Variants in PHTF2 observed in about 807,000 individuals in gnomAD.
PHTF2 encodes the protein putative homeodomain transcription factor 2.
Under a neutral mutation model 101.2 loss-of-function variants are expected in PHTF2, and 60 were observed. That is an observed-to-expected ratio of 0.59 (90% confidence interval 0.48 to 0.73). PHTF2 has a LOEUF of 0.73. Ranked by LOEUF, PHTF2 falls within the 30% of genes least tolerant of loss-of-function variation. The probability of loss-of-function intolerance (pLI) is 0.00; values close to 1 mark genes in which losing one functional copy is unlikely to be tolerated. For synonymous variants in PHTF2, 311 were observed against 307.3 expected (o/e 1.01, Z -0.13); for missense variants, 747 against 908.7 (o/e 0.82, Z 2.29).
chr7:77,922,840 C>G, intron 11 of PHTF2, 62 bp downstream of exon 10: 1 of 1,284,376 alleles, frequency 7.8e-7, no homozygotes, highest in Non-Finnish European at 1.1e-6. Flanking sequence ...TAATTTATAA[C>G]TTCTTTCAAC....
chr7:77,807,359 A>G (rs549211858), intron 1 of PHTF2, among the ~76,000 whole-genome samples: 1 of 150,628 alleles, frequency 6.6e-6, no homozygotes, highest in Non-Finnish European at 1.5e-5. Flanking sequence ...ATCTTCATCA[A>G]TATTTATTTT....
chr7:77,861,739 A>G (rs1797661244), intron 3 of PHTF2, among the ~76,000 whole-genome samples: 1 of 152,178 alleles, frequency 6.6e-6, no homozygotes, highest in Non-Finnish European at 1.5e-5. Context: ...CCTGGCCAAC[A>G]TGGTGAAACC....
intron 1 of PHTF2, among the ~76,000 whole-genome samples, chr7:77,839,096 G>T (rs1795682641): frequency 6.6e-6 from 1 of 152,170 alleles, no homozygotes; most frequent in Non-Finnish European, 1.5e-5. Flanking sequence ...GCAAACTAGT[G>T]GTAGCGTTTC....
rs746565974 is a variant in PHTF2 at position 77,852,580 on chromosome 7, G to A, written c.46-2153G>A. Among the ~76,000 whole-genome samples, 7 of 152,076 alleles carry A rather than the reference G, an allele frequency of 4.6e-5. No individual in the cohort carries two copies. The South Asian group carries it at 8.3e-4, about 18-fold the overall frequency. On this transcript the variant is annotated intron_variant, in intron 2 of 19. Coordinates refer to ENST00000416283, the Ensembl canonical transcript of PHTF2. ...TTGTTGTAGTTGTTAGTTTTAATAC[G>A]TTCATCTTTTAGTCTTTCTACTCAA... is the stretch of plus-strand genomic sequence containing the variant.
At chr7:77,936,902 T>C (rs1805189062) in intron 12 of PHTF2, among the ~76,000 whole-genome samples, 1 of 151,884 alleles carries the variant, frequency 6.6e-6, no homozygotes. Context: ...CCCAGCACTT[T>C]GGGAGGTAGA....
intron 3 of PHTF2, among the ~76,000 whole-genome samples, chr7:77,889,528 A>T (rs1800172509): frequency 6.6e-6 from 1 of 151,766 alleles, no homozygotes; most frequent in Non-Finnish European, 1.5e-5. Context: ...TCTCCAAAAA[A>T]GTAGTCTGTT....
intron 1 of PHTF2, among the ~76,000 whole-genome samples, chr7:77,815,338 T>C (rs533094030): frequency 5.3e-4 from 80 of 152,274 alleles, no homozygotes; most frequent in African/African-American, 1.0e-3. Context: ...ATACGAAATC[T>C]ATGAAAGTGG....
chr7:77,867,862 A>G (rs1798192976), intron 3 of PHTF2, among the ~76,000 whole-genome samples: 1 of 152,180 alleles, frequency 6.6e-6, no homozygotes, highest in African/African-American at 2.4e-5. Flanking sequence ...GTTCTCCTTT[A>G]CATACGATCT....
chr7:77,910,357 A>G (rs1324813880), exon 9 of PHTF2: 3 of 1,613,756 alleles, frequency 1.9e-6, no homozygotes, highest in Non-Finnish European at 2.5e-6. Context: ...CACCTCTCAC[A>G]GCGTTGGCAC....
At chr7:77,898,102 A>G (rs564388024) in intron 5 of PHTF2, among the ~76,000 whole-genome samples, 19 of 152,134 alleles carry the variant, frequency 1.2e-4, no homozygotes, top group African/African-American at 4.3e-4. Context: ...CAAAATAAAT[A>G]TATTTTAATA....
chr7:77,866,783 T>C (rs1798103080), intron 3 of PHTF2, among the ~76,000 whole-genome samples: 1 of 152,220 alleles, frequency 6.6e-6, no homozygotes, highest in Non-Finnish European at 1.5e-5. Flanking sequence ...ACATAGCTTT[T>C]CTTGTTATAG....
rs74532925 is a variant in PHTF2 at position 77,880,667 on chromosome 7, C to A, written c.148-12941C>A. 0.012 allele frequency among the ~76,000 whole-genome samples: 1,778 copies of A among 152,280 alleles called. 84 individuals carry two copies. The East Asian group carries it at 0.13, about 11-fold the overall frequency. ...TTGATACCCCATGCCTGGCTACACA[C>A]GTGCATCAGGCTCTCTCCACTGTAG... On this transcript the variant is annotated intron_variant, in intron 3 of 19. Coordinates refer to ENST00000416283, the Ensembl canonical transcript of PHTF2.
At chr7:77,842,412 C>T (rs1795964219) in intron 2 of PHTF2, among the ~76,000 whole-genome samples, 2 of 152,108 alleles carry the variant, frequency 1.3e-5, no homozygotes, top group African/African-American at 4.8e-5. Flanking sequence ...CCATGTTGCC[C>T]AGGCTTATCA....
chr7:77,893,797 T>A lies in PHTF2; in HGVS notation c.204+133T>A. On this transcript the variant is annotated intron_variant, in intron 4 of 19. Coordinates refer to ENST00000416283, the Ensembl canonical transcript of PHTF2. The stretch of plus-strand genomic sequence containing the variant: ...CTATTGAAGCTTTTAAAGAAAGAAG[T>A]AAACTTTATTTACCATAGTCACGTT... 5 of 620,052 alleles carry A rather than the reference T, an allele frequency of 8.1e-6. No homozygotes were observed. The East Asian group carries it at 8.3e-5, about 10-fold the overall frequency. 38.4% of individuals were successfully genotyped at this position (620,052 alleles called of 1,614,324 possible). A position where few individuals can be genotyped will look rare whatever the true frequency, so the allele number is the denominator to read the frequency against.
chr7:77,923,637 T>C (rs941100125), intron 11 of PHTF2: 1 of 983,958 alleles, frequency 1.0e-6, no homozygotes, highest in Non-Finnish European at 1.2e-6. Context: ...GTGTGTCTGC[T>C]CTATTGCCTC....
intron 11 of PHTF2, among the ~76,000 whole-genome samples, chr7:77,925,684 T>C (rs570764996): frequency 6.6e-6 from 1 of 151,978 alleles, no homozygotes; most frequent in South Asian, 2.1e-4. Flanking sequence ...AGGCTGGTCT[T>C]GATGCACCCA....
intron 17 of PHTF2, 62 bp from the exon 17 acceptor site, chr7:77,951,555 T>C (rs535036246): frequency 6.4e-5 from 46 of 720,390 alleles, no homozygotes; most frequent in Non-Finnish European, 3.4e-5. Context: ...TGAATATCTT[T>C]CAAGTCCTTT....
rs1268720765 is a variant in PHTF2 at position 77,862,032 on chromosome 7, G to A, written c.147+7198G>A. ...AGATCGTGCCATTGCACTCCAGCCT[G>A]GGCAACAAGAGCGAAACTCCATCTC... On this transcript the variant is annotated intron_variant, in intron 3 of 19. Coordinates refer to ENST00000416283, the Ensembl canonical transcript of PHTF2. Among the ~76,000 whole-genome samples, 6 of 151,166 alleles carry A rather than the reference G, an allele frequency of 4.0e-5. No individual in the cohort carries two copies. The East Asian group carries it at 1.2e-3, about 29-fold the overall frequency.
At chr7:77,923,353 C>G (rs1584723158) in intron 11 of PHTF2, 1 of 966,018 alleles carries the variant, frequency 1.0e-6, no homozygotes, top group Non-Finnish European at 1.2e-6. Context: ...GGCTTTAAGG[C>G]AAATAAATTA....
Sources: gnomAD v4.1 joint callset for allele counts (sites outside exome capture counted in the v4.1 genomes callset) on GRCh38, gnomAD v4.1.1 for gene constraint, MANE v1.5 for transcripts, NCBI Gene and HGNC (gene_info 2026-07-23, HGNC 2026-07-21) for gene names.